Variants in PTN observed in about 807,000 individuals in gnomAD.
PTN encodes the protein heparin affin regulatory protein.
In PTN, 18 loss-of-function variants were observed where a neutral mutation model predicts 24.1. The observed-to-expected ratio is 0.75, with a 90% CI of 0.52 to 1.11. The LOEUF (loss-of-function observed/expected upper bound fraction) is 1.11. Ranked by LOEUF, PTN falls within the 50% of genes least tolerant of loss-of-function variation. PTN has a pLI of 0.00. For synonymous variants in PTN, 78 were observed against 68.6 expected (o/e 1.14, Z -0.67); for missense variants, 163 against 198.8 (o/e 0.82, Z 1.08).
At chr7:137,246,971 T>C (rs562919659) in intron 4 of PTN, among the ~76,000 whole-genome samples, 1 of 152,324 alleles carries the variant, frequency 6.6e-6, no homozygotes, top group South Asian at 2.1e-4. Context: ...TTAAAGTTGC[T>C]TTAAGGCTTA....
At chr7:137,274,093 T>G (rs1809320541) in intron 1 of PTN, among the ~76,000 whole-genome samples, 1 of 151,980 alleles carries the variant, frequency 6.6e-6, no homozygotes, top group Admixed American at 6.6e-5. Flanking sequence ...TTTATTATTT[T>G]TATCAACAGA....
intron 1 of PTN, among the ~76,000 whole-genome samples, chr7:137,272,189 A>G (rs1809286298): frequency 6.6e-6 from 1 of 152,254 alleles, no homozygotes; most frequent in Non-Finnish European, 1.5e-5. Context: ...CTAAACCACA[A>G]TCTGCTGAGA....
At chr7:137,327,373 C>T (rs748417780) in intron 1 of PTN, among the ~76,000 whole-genome samples, 6 of 152,102 alleles carry the variant, frequency 3.9e-5, no homozygotes, top group Non-Finnish European at 8.8e-5. Context: ...TGCTTCCACT[C>T]TTGGCCACTC....
chr7:137,268,680 A>T (rs1470816775), intron 1 of PTN, among the ~76,000 whole-genome samples: 6 of 152,172 alleles, frequency 3.9e-5, no homozygotes, highest in Non-Finnish European at 5.9e-5. Context: ...TGGAATTTTT[A>T]CTACCAGGCT....
intron 1 of PTN, among the ~76,000 whole-genome samples, chr7:137,308,714 C>T (rs322346): frequency 0.87 from 131,974 of 152,112 alleles, 57,493 homozygotes; most frequent in Admixed American, 0.92. Context: ...CCAGTCTTCA[C>T]GTCTCCATCT....
intron 1 of PTN, among the ~76,000 whole-genome samples, chr7:137,269,955 A>T (rs1008179366): frequency 6.6e-6 from 1 of 152,088 alleles, no homozygotes; most frequent in Non-Finnish European, 1.5e-5. Context: ...TTATGTGAAG[A>T]TTCAGGAAGT....
At chr7:137,239,405 T>TA (rs1808582781) in intron 4 of PTN, among the ~76,000 whole-genome samples, 1 of 146,726 alleles carries the variant, frequency 6.8e-6, no homozygotes, top group African/African-American at 2.6e-5. Flanking sequence ...TTTATTTATT[T>TA]ATTTATTATT....
intron 1 of PTN, among the ~76,000 whole-genome samples, chr7:137,267,860 CAAAAACA>C (rs1809184878): frequency 6.6e-6 from 1 of 152,020 alleles, no homozygotes; most frequent in African/African-American, 2.4e-5. Context: ...TAAGTCAAGT[CAAAAACA>C]AAAAACAAAG....
At chr7:137,296,719 C>A (rs1050411482) in intron 1 of PTN, among the ~76,000 whole-genome samples, 1 of 152,042 alleles carries the variant, frequency 6.6e-6, no homozygotes, top group African/African-American at 2.4e-5. Context: ...GGACTCTGTA[C>A]AATTTCTGGC....
At chr7:137,315,465 T>C (rs955124331) in intron 1 of PTN, among the ~76,000 whole-genome samples, 5 of 152,344 alleles carry the variant, frequency 3.3e-5, no homozygotes, top group East Asian at 1.9e-4. Flanking sequence ...GCTGATATTA[T>C]TGAACAGCAA....
At chr7:137,234,936 T>C (rs564966027) in intron 4 of PTN, among the ~76,000 whole-genome samples, 4 of 152,158 alleles carry the variant, frequency 2.6e-5, no homozygotes, top group African/African-American at 4.8e-5. Context: ...GGAGGAAGTA[T>C]TGATTAGAAT....
chr7:137,320,817 T>C (rs987475116), intron 1 of PTN, among the ~76,000 whole-genome samples: 1 of 152,300 alleles, frequency 6.6e-6, no homozygotes. Flanking sequence ...CTGCCTTCTC[T>C]AGTCCTGCAG....
At chr7:137,321,893 G>GT (rs1356348847) in intron 1 of PTN, among the ~76,000 whole-genome samples, 1 of 151,982 alleles carries the variant, frequency 6.6e-6, no homozygotes, top group African/African-American at 2.4e-5. Flanking sequence ...ACTAGGATAA[G>GT]TAAAAAAAAG....
At chr7:137,287,809 A>G (rs1006113767) in intron 1 of PTN, 1 of 152,208 alleles carries the variant, frequency 6.6e-6, no homozygotes, top group Non-Finnish European at 1.5e-5. Context: ...ATGTGCTCCA[A>G]AATGTCTATA....
chr7:137,295,573 AT>A lies in PTN; in HGVS notation c.-1-40600del, dbSNP rs1413217229. ...ATACACACTGAATTTCAAAAGCAGT[AT>A]GAAAAAAATGAATATAAAGTATATC... On this transcript the variant is annotated intron_variant, in intron 1 of 4. Coordinates refer to ENST00000348225, the MANE Select transcript of PTN (RefSeq NM_002825.7). 2.0e-5 allele frequency among the ~76,000 whole-genome samples: 3 copies of A among 152,126 alleles called. No individual in the cohort carries two copies. The East Asian group carries it at 5.8e-4, about 29-fold the overall frequency.
intron 1 of PTN, chr7:137,318,614 T>C (rs1562921796): frequency 1.3e-5 from 2 of 152,204 alleles, no homozygotes; most frequent in Non-Finnish European, 2.9e-5. Flanking sequence ...AATTAATACG[T>C]GAATGAACAA....
At chr7:137,289,313 T>A (rs1021215253) in intron 1 of PTN, among the ~76,000 whole-genome samples, 1 of 152,194 alleles carries the variant, frequency 6.6e-6, no homozygotes, top group Admixed American at 6.5e-5. Flanking sequence ...GTTTCTTTTT[T>A]ATCAAAGGGA....
chr7:137,253,340 C>T, intron 3 of PTN, 124 bp downstream of exon 3: 1 of 1,024,456 alleles, frequency 9.8e-7, no homozygotes, highest in Non-Finnish European at 1.4e-6. Flanking sequence ...CCAGTCTGGT[C>T]ACTTTGTGTC....
intron 4 of PTN, among the ~76,000 whole-genome samples, chr7:137,244,075 TTTAA>T (rs1404650177): frequency 1.3e-5 from 2 of 152,208 alleles, no homozygotes; most frequent in South Asian, 2.1e-4. Context: ...TTTTAACTAA[TTTAA>T]TTAATCTATA....
Sources: gnomAD v4.1 joint callset for allele counts (sites outside exome capture counted in the v4.1 genomes callset) on GRCh38, gnomAD v4.1.1 for gene constraint, MANE v1.5 for transcripts, NCBI Gene and HGNC (gene_info 2026-07-23, HGNC 2026-07-21) for gene names.